Variants in DEFB131B observed in about 807,000 individuals in gnomAD.
DEFB131B encodes beta-defensin 131B.
A neutral mutation model predicts 2.1 loss-of-function variants in DEFB131B; 2 were observed. The ratio of observed to expected loss-of-function variants is 0.94; its 90% CI spans 0.38 to 2.95. The LOEUF is 2.95. DEFB131B is among the 30% of genes most tolerant of loss of function. The pLI, the probability that DEFB131B is intolerant of heterozygous loss-of-function variation, is 0.09. For missense variants in DEFB131B, 77 were observed against 78.5 expected (o/e 0.98, Z 0.07); for synonymous variants, 26 against 25.8 (o/e 1.01, Z -0.03).
intron 1 of DEFB131B, among the ~76,000 whole-genome samples, chr11:71,880,748 TTC>T: frequency 6.6e-6 from 1 of 152,362 alleles, no homozygotes; most frequent in East Asian, 1.9e-4. Flanking sequence ...TGTTATTTTC[TTC>T]TGAGTTTTTT....
chr11:71,882,115 A>T (rs1952568396), intron 1 of DEFB131B, among the ~76,000 whole-genome samples: 1 of 152,144 alleles, frequency 6.6e-6, no homozygotes, highest in African/African-American at 2.4e-5. Context: ...CAGGAGGGGA[A>T]AAAATCTTTA....
chr11:71,883,624 G>T (rs952399104), intron 1 of DEFB131B, among the ~76,000 whole-genome samples: 29 of 152,162 alleles, frequency 1.9e-4, no homozygotes, highest in African/African-American at 6.8e-4. Flanking sequence ...ATAATTACCT[G>T]AGACTGTAAA....
intron 1 of DEFB131B, among the ~76,000 whole-genome samples, chr11:71,880,875 T>C (rs1410472164): frequency 1.3e-5 from 2 of 152,250 alleles, no homozygotes; most frequent in African/African-American, 4.8e-5. Context: ...GTCTAGAATA[T>C]ACTTGATATA....
In DEFB131B at chr11:71,884,225, A is replaced by G. The variant is rs551335870; in HGVS notation, c.59-182A>G. On this transcript the variant is annotated intron_variant, in intron 1 of 1. Transcript: ENST00000530210. ...CTGCCTCATTTACTACTCTCTTTAC[A>G]GAAGAAATCATCGTTTGTCTTTATT... 27 of 633,998 alleles carry G rather than the reference A, an allele frequency of 4.3e-5. No individual in the cohort carries two copies. In the South Asian group the frequency reaches 8.6e-4, roughly 20 times the overall value. The allele number at this position is 633,998 out of a possible 1,614,324, so 39.3% of individuals were successfully genotyped here.
chr11:71,883,833 C>T (rs1460367037), intron 1 of DEFB131B, among the ~76,000 whole-genome samples: 1 of 152,184 alleles, frequency 6.6e-6, no homozygotes, highest in Non-Finnish European at 1.5e-5. Context: ...AGCCCGAATA[C>T]ACTGGGAAGC....
intron 1 of DEFB131B, among the ~76,000 whole-genome samples, chr11:71,879,641 A>G (rs998404474): frequency 2.0e-5 from 3 of 152,096 alleles, no homozygotes; most frequent in Non-Finnish European, 4.4e-5. Context: ...CATAATATTC[A>G]TTGCCTTAAA....
At chr11:71,880,044 C>T (rs1363277938) in intron 1 of DEFB131B, among the ~76,000 whole-genome samples, 1 of 151,948 alleles carries the variant, frequency 6.6e-6, no homozygotes, top group Non-Finnish European at 1.5e-5. Context: ...ATATAAAACA[C>T]CAACATTCAC....
Position 71,884,471 on chromosome 11 carries a change from T to C in DEFB131B, c.123T>C (p.Asn41=). 6.2e-7 allele frequency: 1 copy of C among 1,610,320 alleles called. No individual in the cohort carries two copies. Residue 41 remains asparagine (N), a synonymous_variant, in exon 2 of 2, where the codon AAT becomes AAC. Coordinates refer to ENST00000530210, the MANE Select transcript of DEFB131B (RefSeq NM_001242853.1). The part of the protein sequence containing the change: ...SEYYHCRLKC[N]ADEHAIRYCA... ...ATTATCATTGCAGACTGAAGTGCAA[T>C]GCTGATGAACATGCAATTAGATACT... is the stretch of plus-strand genomic sequence containing the variant.
At chr11:71,878,583 C>A in intron 1 of DEFB131B, 73 bp downstream of exon 1, 1 of 1,515,520 alleles carries the variant, frequency 6.6e-7, no homozygotes. Flanking sequence ...TTTCAAGAGT[C>A]TGAAAATAAA....
chr11:71,878,575 T>C, intron 1 of DEFB131B, 65 bp downstream of exon 1: 3 of 1,539,846 alleles, frequency 1.9e-6, no homozygotes, highest in African/African-American at 2.8e-5. Flanking sequence ...GCAAGGTCTT[T>C]CAAGAGTCTG....
chr11:71,883,779 G>A (rs1402859099), intron 1 of DEFB131B, among the ~76,000 whole-genome samples: 1 of 152,168 alleles, frequency 6.6e-6, no homozygotes, highest in Non-Finnish European at 1.5e-5. Context: ...ATAGGCTCCT[G>A]TCCATATCTC....
chr11:71,883,137 A>C (rs1023693930), intron 1 of DEFB131B, among the ~76,000 whole-genome samples: 1 of 152,220 alleles, frequency 6.6e-6, no homozygotes, highest in African/African-American at 2.4e-5. Context: ...ATGAATTGGA[A>C]GACATAATAA....
At chr11:71,881,451 G>A (rs533809319) in intron 1 of DEFB131B, among the ~76,000 whole-genome samples, 3 of 152,214 alleles carry the variant, frequency 2.0e-5, no homozygotes, top group South Asian at 2.1e-4. Context: ...AGATCAAGAC[G>A]TCAGCACATT....
At chr11:71,878,850 A>G (rs1952542090) in intron 1 of DEFB131B, among the ~76,000 whole-genome samples, 1 of 151,930 alleles carries the variant, frequency 6.6e-6, no homozygotes, top group Non-Finnish European at 1.5e-5. Flanking sequence ...AATACAAAAA[A>G]TTAGTCAGGT....
At chr11:71,880,666 T>C (rs1952554885) in intron 1 of DEFB131B, among the ~76,000 whole-genome samples, 1 of 152,228 alleles carries the variant, frequency 6.6e-6, no homozygotes, top group Non-Finnish European at 1.5e-5. Flanking sequence ...AATTCTCTCT[T>C]AGCACTGTCT....
intron 1 of DEFB131B, among the ~76,000 whole-genome samples, chr11:71,883,066 T>C (rs1952584047): frequency 6.6e-6 from 1 of 152,132 alleles, no homozygotes; most frequent in Non-Finnish European, 1.5e-5. Context: ...CATTAAAAAT[T>C]GCAGACATTC....
chr11:71,884,528 G>T lies in DEFB131B; in HGVS notation c.180G>T (p.Lys60Asn). 1 of 1,608,550 alleles carries T rather than the reference G, an allele frequency of 6.2e-7. No individual in the cohort carries two copies. Among genetic ancestry groups the T allele is most frequent in the Non-Finnish European group, 8.5e-7 (1 of 1,177,850 alleles). ...CADFSICCKL[K>N]IIQIDGQKKW ...ACTTCAGCATCTGCTGCAAACTGAA[G>T]ATCATTCAAATTGATGGACAAAAGA... Residue 60 changes from lysine to asparagine, a missense_variant, in exon 2 of 2, where the codon AAG (lysine) becomes AAT (asparagine). By Grantham distance (94) the Lys-to-Asn change is moderately conservative (BLOSUM62 0). Transcript: ENST00000530210.
chr11:71,880,338 G>C (rs958772469), intron 1 of DEFB131B, among the ~76,000 whole-genome samples: 6 of 152,052 alleles, frequency 3.9e-5, no homozygotes, highest in Non-Finnish European at 7.4e-5. Flanking sequence ...ATGATCCATT[G>C]TGTTTCTTTT....
intron 1 of DEFB131B, among the ~76,000 whole-genome samples, chr11:71,884,136 AATTC>A (rs1273899609): frequency 2.0e-5 from 3 of 152,216 alleles, no homozygotes; most frequent in Admixed American, 1.3e-4. Context: ...CAAGCTGGAT[AATTC>A]ATTTTAGGTA....
Sources: allele counts gnomAD v4.1 joint callset (sites outside exome capture counted in the v4.1 genomes callset), GRCh38; gene constraint gnomAD v4.1.1; transcripts MANE v1.5; gene names NCBI Gene and HGNC (gene_info 2026-07-23, HGNC 2026-07-21).